ERBB4: variants seen among roughly 807,000 people sequenced by gnomAD.
ERBB4 encodes receptor tyrosine-protein kinase erbB-4.
A neutral mutation model predicts 158.0 loss-of-function variants in ERBB4; 42 were observed. That is an observed-to-expected ratio of 0.27 (90% CI 0.21 to 0.34). The LOEUF (loss-of-function observed/expected upper bound fraction) is 0.34, where lower values mean the gene tolerates loss of function less well. Ranked by LOEUF, ERBB4 falls within the 10% of genes least tolerant of loss-of-function variation. ERBB4 has a pLI of 1.00. For synonymous variants in ERBB4, 583 were observed against 558.7 expected, an observed-to-expected ratio of 1.04 and a Z score of -0.61; for missense variants, 1,333 against 1,624.1, an observed-to-expected ratio of 0.82 and a Z score of 3.08.
chr2:211,452,025 T>C (rs1179074043), intron 20 of ERBB4, among the ~76,000 whole-genome samples: 1 of 152,170 alleles, frequency 6.6e-6, no homozygotes, highest in Non-Finnish European at 1.5e-5. Context: ...TCTTTTTCAT[T>C]TGTAATTATT....
intron 5 of ERBB4, among the ~76,000 whole-genome samples, chr2:211,728,704 G>T (rs1302459908): frequency 6.6e-6 from 1 of 151,802 alleles, no homozygotes; most frequent in African/African-American, 2.4e-5. Context: ...CTATTGCTCA[G>T]CTGGAAAACA....
chr2:212,501,494 A>G (rs923204000), intron 1 of ERBB4, among the ~76,000 whole-genome samples: 1 of 152,222 alleles, frequency 6.6e-6, no homozygotes, highest in African/African-American at 2.4e-5. Context: ...GGGAAAACAC[A>G]ACAGCAGTGA....
chr2:212,155,079 C>A (rs2080992244), intron 1 of ERBB4, among the ~76,000 whole-genome samples: 1 of 152,102 alleles, frequency 6.6e-6, no homozygotes, highest in Non-Finnish European at 1.5e-5. Flanking sequence ...ATTTCAATGT[C>A]ACAGGACTAC....
At chr2:211,385,183 AT>A (rs1456749165) in intron 27 of ERBB4, among the ~76,000 whole-genome samples, 1 of 152,114 alleles carries the variant, frequency 6.6e-6, no homozygotes, top group Non-Finnish European at 1.5e-5. Flanking sequence ...CCAAATATAT[AT>A]ATACAGAATA....
At chr2:212,158,796 T>A in intron 1 of ERBB4, among the ~76,000 whole-genome samples, 1 of 151,792 alleles carries the variant, frequency 6.6e-6, no homozygotes, top group Non-Finnish European at 1.5e-5. Context: ...TGAGGGAGGG[T>A]TTGCTTAGGA....
At chr2:211,453,038 A>G (rs561580476) in intron 20 of ERBB4, among the ~76,000 whole-genome samples, 1 of 152,246 alleles carries the variant, frequency 6.6e-6, no homozygotes, top group East Asian at 1.9e-4. Flanking sequence ...GTCACCTTTA[A>G]TTTCTTTTCT....
chr2:211,682,895 T>C (rs1168964369), intron 12 of ERBB4, among the ~76,000 whole-genome samples: 2 of 151,954 alleles, frequency 1.3e-5, no homozygotes, highest in Admixed American at 1.3e-4. Context: ...AATAATTAAG[T>C]TGAAATAATT....
At chr2:212,131,850 T>A (rs1444378260) in intron 1 of ERBB4, among the ~76,000 whole-genome samples, 1 of 152,170 alleles carries the variant, frequency 6.6e-6, no homozygotes, top group Admixed American at 6.6e-5. Context: ...TAAAGAACCA[T>A]AACCAACTGA....
At chr2:212,531,897 T>C (rs922718548) in intron 1 of ERBB4, among the ~76,000 whole-genome samples, 13 of 152,146 alleles carry the variant, frequency 8.5e-5, no homozygotes, top group Admixed American at 4.6e-4. Context: ...TTTATTTCTT[T>C]ACTCCTCATG....
At chr2:212,265,846 G>A (rs6745249) in intron 1 of ERBB4, among the ~76,000 whole-genome samples, 72,252 of 151,694 alleles carry the variant, frequency 0.48, 17,881 homozygotes, top group East Asian at 0.72. Context: ...TAAATATAAA[G>A]CCAGCAGAGA....
At chr2:211,562,769 CTTTTT>C (rs367801279) in intron 19 of ERBB4, among the ~76,000 whole-genome samples, 13,153 of 125,586 alleles carry the variant, frequency 0.1, 872 homozygotes, top group Non-Finnish European at 0.14. Flanking sequence ...ACTACTCCAA[CTTTTT>C]TTTTTTTTTT....
At chr2:212,133,140 T>G (rs1054498074) in intron 1 of ERBB4, among the ~76,000 whole-genome samples, 6 of 152,158 alleles carry the variant, frequency 3.9e-5, no homozygotes, top group Admixed American at 2.6e-4. Context: ...AACACATTTA[T>G]GTTTATTCAT....
At chr2:211,890,884 A>G (rs2078947494) in intron 3 of ERBB4, among the ~76,000 whole-genome samples, 1 of 61,996 alleles carries the variant, frequency 1.6e-5, no homozygotes, top group Admixed American at 1.8e-4. Flanking sequence ...CACCCAATAC[A>G]GGAGCACCCA....
intron 25 of ERBB4, among the ~76,000 whole-genome samples, chr2:211,404,137 A>C (rs2063100517): frequency 6.6e-6 from 1 of 152,086 alleles, no homozygotes; most frequent in African/African-American, 2.4e-5. Context: ...TGTAACCTTT[A>C]GTGCCTTCAG....
chr2:211,415,800 T>G (rs1451939151), intron 25 of ERBB4, among the ~76,000 whole-genome samples: 2 of 152,238 alleles, frequency 1.3e-5, no homozygotes, highest in Admixed American at 6.5e-5. Context: ...TTAATTTTCT[T>G]CATTCTTCTT....
At chr2:212,050,705 A>C (rs1470972038) in intron 2 of ERBB4, among the ~76,000 whole-genome samples, 1 of 152,230 alleles carries the variant, frequency 6.6e-6, no homozygotes, top group African/African-American at 2.4e-5. Context: ...TAGTATGGAA[A>C]ATAAATGGAC....
At chr2:211,883,000 C>T (rs576710961) in intron 3 of ERBB4, among the ~76,000 whole-genome samples, 2 of 152,292 alleles carry the variant, frequency 1.3e-5, no homozygotes, top group South Asian at 2.1e-4. Flanking sequence ...AAGACACATG[C>T]ACACGTATGT....
At chr2:212,058,875 T>G (rs1470265771) in intron 2 of ERBB4, among the ~76,000 whole-genome samples, 4 of 152,142 alleles carry the variant, frequency 2.6e-5, no homozygotes, top group Non-Finnish European at 4.4e-5. Context: ...CTTTGAAAAC[T>G]GGCACAAGAC....
intron 2 of ERBB4, among the ~76,000 whole-genome samples, chr2:212,051,528 CAT>C (rs1351294834): frequency 6.6e-6 from 1 of 152,116 alleles, no homozygotes; most frequent in Non-Finnish European, 1.5e-5. Context: ...TTTCCTTACA[CAT>C]GAGATTACTT....
Sources: allele counts gnomAD v4.1 joint callset (sites outside exome capture counted in the v4.1 genomes callset), GRCh38; gene constraint gnomAD v4.1.1; transcripts MANE v1.5; gene names NCBI Gene and HGNC (gene_info 2026-07-23, HGNC 2026-07-21).